CACNA2D3: variants seen among roughly 807,000 people sequenced by gnomAD.
CACNA2D3 encodes the protein voltage-dependent calcium channel subunit alpha-2/delta-3.
CACNA2D3 carries 60 observed loss-of-function variants against 160.6 expected under a neutral mutation model. The ratio of observed to expected loss-of-function variants is 0.37; its 90% CI spans 0.30 to 0.46. The LOEUF (loss-of-function observed/expected upper bound fraction) is 0.46, where lower values mean the gene tolerates loss of function less well. CACNA2D3 is among the 20% of genes least tolerant of loss of function. The pLI, the probability that CACNA2D3 is intolerant of heterozygous loss-of-function variation, is 1.00. For synonymous variants in CACNA2D3, 558 were observed against 492.9 expected, an observed-to-expected ratio of 1.13 and a Z score of -1.75; for missense variants, 1,205 against 1,365.0, an observed-to-expected ratio of 0.88 and a Z score of 1.85.
At chr3:54,942,965 A>G (rs1403301054) in intron 27 of CACNA2D3, among the ~76,000 whole-genome samples, 2 of 152,126 alleles carry the variant, frequency 1.3e-5, no homozygotes, top group Non-Finnish European at 2.9e-5. Context: ...CGGAGGTTGC[A>G]GTGAGCTGAG....
intron 13 of CACNA2D3, among the ~76,000 whole-genome samples, chr3:54,805,945 C>G (rs1303861434): frequency 1.3e-5 from 2 of 152,090 alleles, no homozygotes; most frequent in South Asian, 2.1e-4. Context: ...GAGCCAAAGA[C>G]AAAAACCACA....
At chr3:55,064,650 C>T (rs1272138122) in intron 35 of CACNA2D3, among the ~76,000 whole-genome samples, 1 of 152,194 alleles carries the variant, frequency 6.6e-6, no homozygotes. Context: ...GAACACTGAA[C>T]TCCAAGTGAC....
Position 54,803,948 on chromosome 3 carries a change from T to C in CACNA2D3, c.1381-12905T>C, listed in dbSNP as rs189658695. ...TTTCAACCCAGAATTTCATATCCAG[T>C]CAAACTAAGCTTCAGAAGTGAAGGA... On this transcript the variant is annotated intron_variant, in intron 13 of 37. Coordinates refer to ENST00000474759, the MANE Select transcript of CACNA2D3 (RefSeq NM_018398.3). Among the ~76,000 whole-genome samples, 891 of 151,808 alleles carry C rather than the reference T, an allele frequency of 5.9e-3. 6 individuals are homozygous for C. The highest frequency in any genetic ancestry group is 0.018 in the African/African-American group (765 of 41,384).
intron 31 of CACNA2D3, among the ~76,000 whole-genome samples, chr3:55,001,865 A>G (rs148300626): frequency 6.6e-6 from 1 of 152,324 alleles, no homozygotes; most frequent in Non-Finnish European, 1.5e-5. Context: ...CTGCTCAAGA[A>G]TGCACCCTGG....
intron 2 of CACNA2D3, among the ~76,000 whole-genome samples, chr3:54,171,136 C>CTTTGTTTTTTTTTTTTTTTTTTT (rs1700557980): frequency 3.2e-5 from 2 of 62,542 alleles, no homozygotes; most frequent in Non-Finnish European, 5.9e-5. Flanking sequence ...AAGATGATGA[C>CTTTGTTTTTTTTTTTTTTTTTTT]TTTTTTTTTT....
intron 2 of CACNA2D3, among the ~76,000 whole-genome samples, chr3:54,134,219 T>C (rs9825725): frequency 0.21 from 31,853 of 152,086 alleles, 5,961 homozygotes; most frequent in African/African-American, 0.5. Context: ...TTCTGTGCCT[T>C]CGGCAGGTCT....
At chr3:54,644,063 T>G (rs1699584415) in intron 11 of CACNA2D3, among the ~76,000 whole-genome samples, 1 of 152,178 alleles carries the variant, frequency 6.6e-6, no homozygotes, top group African/African-American at 2.4e-5. Flanking sequence ...CTTGGTGACA[T>G]TCAATGAATA....
At chr3:54,464,395 G>T (rs1353585172) in intron 4 of CACNA2D3, among the ~76,000 whole-genome samples, 1 of 152,236 alleles carries the variant, frequency 6.6e-6, no homozygotes, top group Admixed American at 6.5e-5. Context: ...TACAGAGGCA[G>T]GCAGGCCTCC....
At chr3:54,400,960 G>A (rs1313259386) in intron 4 of CACNA2D3, among the ~76,000 whole-genome samples, 1 of 152,112 alleles carries the variant, frequency 6.6e-6, no homozygotes, top group Non-Finnish European at 1.5e-5. Flanking sequence ...AGGAAACTCT[G>A]TGAGATTTGA....
intron 31 of CACNA2D3, among the ~76,000 whole-genome samples, chr3:54,993,834 T>TTATC (rs1702791869): frequency 6.6e-6 from 1 of 151,512 alleles, no homozygotes; most frequent in South Asian, 2.1e-4. Flanking sequence ...GGCCATTGTC[T>TTATC]TATCTGTCTC....
intron 4 of CACNA2D3, among the ~76,000 whole-genome samples, chr3:54,491,012 A>C (rs1162296391): frequency 6.6e-6 from 1 of 152,160 alleles, no homozygotes; most frequent in Non-Finnish European, 1.5e-5. Flanking sequence ...GGCACATATA[A>C]GGAATATATA....
intron 2 of CACNA2D3, among the ~76,000 whole-genome samples, chr3:54,252,570 C>T (rs1238408192): frequency 6.6e-6 from 1 of 152,192 alleles, no homozygotes; most frequent in Non-Finnish European, 1.5e-5. Context: ...TGTGCACACT[C>T]TGTGTGAGGA....
chr3:54,936,830 G>T (rs1433189711), intron 27 of CACNA2D3, among the ~76,000 whole-genome samples: 2 of 152,128 alleles, frequency 1.3e-5, no homozygotes, highest in Non-Finnish European at 2.9e-5. Flanking sequence ...GAAACATTGT[G>T]TTCAACAAGC....
chr3:54,631,658 T>C (rs1192810513), intron 10 of CACNA2D3, among the ~76,000 whole-genome samples: 1 of 152,246 alleles, frequency 6.6e-6, no homozygotes, highest in Non-Finnish European at 1.5e-5. Context: ...ATTTCAGTTT[T>C]GGTATTTGCT....
At chr3:54,249,762 ATGT>A (rs1391595110) in intron 2 of CACNA2D3, among the ~76,000 whole-genome samples, 11 of 115,248 alleles carry the variant, frequency 9.5e-5, no homozygotes, top group African/African-American at 3.9e-4. Context: ...TACCAAAATT[ATGT>A]TTTTTTTTTT....
chr3:55,035,003 T>A (rs183568439), intron 35 of CACNA2D3, among the ~76,000 whole-genome samples: 79 of 152,300 alleles, frequency 5.2e-4, no homozygotes, highest in African/African-American at 1.9e-3. Flanking sequence ...GTTGCCTATT[T>A]TGGGACATAA....
intron 8 of CACNA2D3, among the ~76,000 whole-genome samples, chr3:54,576,107 G>T (rs62255465): frequency 0.34 from 51,896 of 151,998 alleles, 9,767 homozygotes; most frequent in Middle Eastern, 0.43. Context: ...GTTGAGATGC[G>T]CCCCGAAGCC....
chr3:54,542,058 TG>T (rs1701989509), intron 5 of CACNA2D3, among the ~76,000 whole-genome samples: 1 of 151,764 alleles, frequency 6.6e-6, no homozygotes, highest in African/African-American at 2.4e-5. Context: ...GAGTTTTTTT[TG>T]TTGTTGTTGT....
chr3:54,891,379 T>C lies in CACNA2D3; in HGVS notation c.2175T>C (p.Val725=). The C allele has an allele frequency of 6.2e-7, 1 of 1,613,924 alleles. No individual in the cohort carries two copies. Among genetic ancestry groups the C allele is most frequent in the Non-Finnish European group, 8.5e-7 (1 of 1,179,858 alleles). ...GAAATTCTGACAAGGGCGTGGAGGTTGCCTTCCTCGGCACTCGCACGGGCC... is the reference window on the plus strand; with the variant it reads ...GAAATTCTGACAAGGGCGTGGAGGTCGCCTTCCTCGGCACTCGCACGGGCC... ...KSENSDKGVE[V]AFLGTRTGLS... The change falls in exon 25 of 38, where the codon GTT becomes GTC. Residue 725 remains valine (V), a synonymous_variant. Transcript: ENST00000474759.
Sources: gnomAD v4.1 joint callset for allele counts (sites outside exome capture counted in the v4.1 genomes callset) on GRCh38, gnomAD v4.1.1 for gene constraint, MANE v1.5 for transcripts, NCBI Gene and HGNC (gene_info 2026-07-23, HGNC 2026-07-21) for gene names.